The following CENPP variants were observed in gnomAD, a reference collection of about 807,000 sequenced individuals.
CENPP encodes the protein centromere protein P.
Under a neutral mutation model 35.6 loss-of-function variants are expected in CENPP, and 24 were observed. The ratio of observed to expected loss-of-function variants is 0.67; its 90% CI spans 0.49 to 0.95. The LOEUF (loss-of-function observed/expected upper bound fraction) is 0.95. Ranked by LOEUF, CENPP falls within the 40% of genes least tolerant of loss-of-function variation. CENPP has a pLI of 0.00. For synonymous variants in CENPP, 120 were observed against 125.5 expected (o/e 0.96, Z 0.29); for missense variants, 332 against 345.3 (o/e 0.96, Z 0.31).
intron 5 of CENPP, among the ~76,000 whole-genome samples, chr9:92,545,641 G>A (rs192656506): frequency 1.4e-3 from 214 of 152,338 alleles, no homozygotes; most frequent in Non-Finnish European, 2.6e-3. Flanking sequence ...GGCACAGGGC[G>A]CGGGACTGGC....
At chr9:92,600,278 T>C in intron 5 of CENPP, 1 of 1,430,476 alleles carries the variant, frequency 7.0e-7, no homozygotes, top group Non-Finnish European at 9.1e-7. Context: ...CTGCCCTGGC[T>C]CTCTTCCTGT....
chr9:92,427,234 C>T (rs549881097), intron 5 of CENPP, among the ~76,000 whole-genome samples: 1 of 152,182 alleles, frequency 6.6e-6, no homozygotes, highest in Admixed American at 6.5e-5. Flanking sequence ...GCCGTCTTGG[C>T]TCACTGCAGC....
chr9:92,451,973 G>C (rs1220814077), intron 5 of CENPP, among the ~76,000 whole-genome samples: 2 of 151,164 alleles, frequency 1.3e-5, no homozygotes, highest in African/African-American at 4.9e-5. Context: ...TGCTGAAGTT[G>C]CTTATCAGCT....
intron 5 of CENPP, chr9:92,393,331 C>G: frequency 9.9e-7 from 1 of 1,007,836 alleles, no homozygotes. Flanking sequence ...ATTATGAATG[C>G]TATTACTAAT....
At chr9:92,578,020 G>A (rs971269202) in intron 5 of CENPP, among the ~76,000 whole-genome samples, 1 of 139,362 alleles carries the variant, frequency 7.2e-6, no homozygotes, top group African/African-American at 2.7e-5. Context: ...TCATTGTTCA[G>A]TTCCCACCTA....
chr9:92,542,731 T>C (rs1849344268), intron 5 of CENPP, among the ~76,000 whole-genome samples: 1 of 152,186 alleles, frequency 6.6e-6, no homozygotes, highest in Non-Finnish European at 1.5e-5. Flanking sequence ...TGGCCAGGAT[T>C]GTCTTGATCT....
At chr9:92,505,581 T>TC in intron 5 of CENPP, 5 of 1,608,202 alleles carry the variant, frequency 3.1e-6, no homozygotes, top group Non-Finnish European at 4.2e-6. Flanking sequence ...ATTTATTTTT[T>TC]CCCAGACGCA....
At chr9:92,522,720 T>C in intron 5 of CENPP, 2 of 1,614,154 alleles carry the variant, frequency 1.2e-6, no homozygotes, top group Non-Finnish European at 1.7e-6. Context: ...GCTGTCTGTT[T>C]GATCTGTGCT....
intron 5 of CENPP, among the ~76,000 whole-genome samples, chr9:92,605,443 C>A (rs1232241368): frequency 6.6e-6 from 1 of 151,962 alleles, no homozygotes; most frequent in Non-Finnish European, 1.5e-5. Context: ...GCATCTTATG[C>A]CACGGTGTGA....
chr9:92,522,981 G>T, intron 5 of CENPP: 1 of 1,270,806 alleles, frequency 7.9e-7, no homozygotes, highest in Non-Finnish European at 1.1e-6. Flanking sequence ...TGCCTCAGTA[G>T]GCAAGTCTTT....
intron 5 of CENPP, among the ~76,000 whole-genome samples, chr9:92,514,326 G>C (rs1367409364): frequency 6.7e-6 from 1 of 148,800 alleles, no homozygotes; most frequent in Non-Finnish European, 1.5e-5. Flanking sequence ...CCAGGCTAGA[G>C]AACAGTGGCT....
At chr9:92,342,807 C>A (rs911904113) in intron 3 of CENPP, among the ~76,000 whole-genome samples, 96 of 152,244 alleles carry the variant, frequency 6.3e-4, no homozygotes, top group African/African-American at 2.2e-3. Context: ...ATGGTAAATT[C>A]TAGCATATTC....
At chr9:92,334,121 GT>G (rs11423555) in intron 2 of CENPP, among the ~76,000 whole-genome samples, 4,343 of 133,890 alleles carry the variant, frequency 0.032, 65 homozygotes, top group South Asian at 0.079. Flanking sequence ...TGAGAGTAGG[GT>G]TTTTTTTTTT....
rs560092234 is a variant in CENPP, at chr9:92,471,834, A to G, written c.564+91975A>G. On this transcript the variant is annotated intron_variant, in intron 5 of 7. Transcript: ENST00000375587. ...ACCACCATGCCTGGCTAATTGTTGT[A>G]TTTTTACTAGACACAGCGTTTCGCC... 7.9e-5 allele frequency among the ~76,000 whole-genome samples: 12 copies of G among 151,672 alleles called. No homozygotes were observed. The East Asian group carries it at 9.8e-4, about 12-fold the overall frequency.
chr9:92,393,526 A>G (rs1455091426), intron 5 of CENPP, among the ~76,000 whole-genome samples: 4 of 152,220 alleles, frequency 2.6e-5, no homozygotes, highest in Admixed American at 2.6e-4. Context: ...AAAATTTACA[A>G]AGCAGGAGTT....
intron 5 of CENPP, among the ~76,000 whole-genome samples, chr9:92,400,415 C>G (rs1023788265): frequency 6.6e-6 from 1 of 152,224 alleles, no homozygotes; most frequent in Non-Finnish European, 1.5e-5. Flanking sequence ...TCCCAAAGTA[C>G]TGGGATTACA....
chr9:92,396,101 C>T (rs1175047771), intron 5 of CENPP, among the ~76,000 whole-genome samples: 2 of 152,128 alleles, frequency 1.3e-5, no homozygotes, highest in East Asian at 3.8e-4. Context: ...GTTCTTTCAG[C>T]ACCGTTTTTT....
At chr9:92,609,730 TTGTG>T (rs888102223) in intron 5 of CENPP, among the ~76,000 whole-genome samples, 1 of 152,224 alleles carries the variant, frequency 6.6e-6, no homozygotes, top group African/African-American at 2.4e-5. Context: ...AAAGACATTT[TTGTG>T]TGTGTGTGTT....
intron 5 of CENPP, among the ~76,000 whole-genome samples, chr9:92,465,800 G>GA (rs1845282919): frequency 1.3e-5 from 2 of 151,108 alleles, no homozygotes; most frequent in African/African-American, 4.9e-5. Context: ...GGTCTGGTCA[G>GA]AAACAGAAAC....
Sources: gnomAD v4.1 joint callset for allele counts (sites outside exome capture counted in the v4.1 genomes callset) on GRCh38, gnomAD v4.1.1 for gene constraint, MANE v1.5 for transcripts, NCBI Gene and HGNC (gene_info 2026-07-23, HGNC 2026-07-21) for gene names.